The following RORA variants were observed in gnomAD, a reference collection of about 807,000 sequenced individuals.
RORA encodes nuclear receptor ROR-alpha.
Under a neutral mutation model 69.5 loss-of-function variants are expected in RORA, and 7 were observed. The ratio of observed to expected loss-of-function variants is 0.10; its 90% CI spans 0.06 to 0.19. RORA has a LOEUF of 0.19. Among genes scored for constraint, RORA ranks in the 10% least tolerant of loss-of-function variants. The probability of loss-of-function intolerance (pLI) is 1.00; values close to 1 mark genes in which losing one functional copy is unlikely to be tolerated. For missense variants in RORA, 457 were observed against 663.0 expected (o/e 0.69, Z 3.41); for synonymous variants, 261 against 240.8 (o/e 1.08, Z -0.78).
chr15:61,132,965 C>T (rs184745754), intron 1 of RORA, among the ~76,000 whole-genome samples: 12 of 152,174 alleles, frequency 7.9e-5, no homozygotes, highest in East Asian at 1.9e-4. Flanking sequence ...TGAAATCTGG[C>T]GGTTAATAAA....
chr15:60,755,770 A>G (rs2071794060), intron 1 of RORA, among the ~76,000 whole-genome samples: 2 of 152,186 alleles, frequency 1.3e-5, no homozygotes, highest in Admixed American at 6.6e-5. Context: ...CTTTTCACCT[A>G]CAAGGTTGTT....
At chr15:60,751,854 T>C (rs911492097) in intron 1 of RORA, among the ~76,000 whole-genome samples, 2 of 152,154 alleles carry the variant, frequency 1.3e-5, no homozygotes, top group African/African-American at 4.8e-5. Context: ...CAAAACTGCA[T>C]AGACCACTCT....
intron 2 of RORA, among the ~76,000 whole-genome samples, chr15:60,613,030 T>G (rs1345734921): frequency 6.6e-6 from 1 of 152,166 alleles, no homozygotes; most frequent in Admixed American, 6.5e-5. Context: ...GAATTTTTTT[T>G]TTTAATTCTA....
At chr15:60,618,856 A>G (rs2069327204) in intron 2 of RORA, among the ~76,000 whole-genome samples, 1 of 152,140 alleles carries the variant, frequency 6.6e-6, no homozygotes, top group Non-Finnish European at 1.5e-5. Flanking sequence ...CTGGGTTTGA[A>G]GCTCATGCAT....
intron 1 of RORA, among the ~76,000 whole-genome samples, chr15:60,685,133 G>T (rs898692900): frequency 3.3e-5 from 5 of 152,148 alleles, no homozygotes; most frequent in African/African-American, 1.2e-4. Flanking sequence ...CTGGACATAG[G>T]CAAAACCCAT....
chr15:60,995,521 C>T (rs1894506422), intron 1 of RORA, among the ~76,000 whole-genome samples: 1 of 152,180 alleles, frequency 6.6e-6, no homozygotes, highest in African/African-American at 2.4e-5. Context: ...GGTCTCCTTC[C>T]TTCAAACTGG....
chr15:60,647,613 A>G (rs1237111066), intron 2 of RORA, among the ~76,000 whole-genome samples: 4 of 152,186 alleles, frequency 2.6e-5, no homozygotes, highest in African/African-American at 9.7e-5. Flanking sequence ...AAATCTTATT[A>G]TTACTAGTAC....
chr15:60,931,185 G>T (rs1892363179), intron 1 of RORA, among the ~76,000 whole-genome samples: 1 of 152,166 alleles, frequency 6.6e-6, no homozygotes, highest in African/African-American at 2.4e-5. Context: ...TAGGCTCCAG[G>T]TCCATAAGTG....
At position 61,147,964 on chromosome 15, in the gene RORA, T is replaced by A. The variant is rs919002205; in HGVS notation, c.166+81089A>T. On this transcript the variant is annotated intron_variant, in intron 1 of 10. Transcript: ENST00000335670. This position sits in a 1 kb window ranked among gnomAD's most constrained non-coding sequence, Gnocchi z 4.1. ...TATCAGGAAGGTTATGGAGAGCCAC[T>A]AGGGGACTTGAAACAAAGGGTGACA... Among the ~76,000 whole-genome samples the A allele has an allele frequency of 2.0e-5, 3 of 151,396 alleles. No homozygotes were observed. The highest frequency in any genetic ancestry group is 7.4e-5 in the African/African-American group (3 of 40,636).
intron 3 of RORA, among the ~76,000 whole-genome samples, chr15:60,523,831 C>T (rs1467662691): frequency 6.6e-6 from 1 of 152,172 alleles, no homozygotes; most frequent in Admixed American, 6.5e-5. Context: ...GCCATCATGC[C>T]TGGCTAATTT....
chr15:60,901,468 G>A (rs999878949), intron 1 of RORA, among the ~76,000 whole-genome samples: 3 of 152,244 alleles, frequency 2.0e-5, no homozygotes, highest in East Asian at 1.9e-4. Context: ...CACCACGCCC[G>A]GCGATTCATG....
chr15:61,083,980 CA>C (rs2078584770), intron 1 of RORA, among the ~76,000 whole-genome samples: 1 of 152,112 alleles, frequency 6.6e-6, no homozygotes, highest in Non-Finnish European at 1.5e-5. Context: ...AGGGTTGAAC[CA>C]ACATTTAAGG....
At chr15:60,610,761 CA>C (rs765100250) in intron 2 of RORA, among the ~76,000 whole-genome samples, 45 of 151,924 alleles carry the variant, frequency 3.0e-4, no homozygotes, top group Non-Finnish European at 5.4e-4. Context: ...CCCCAAAAAC[CA>C]AAAGGATCAG....
intron 2 of RORA, among the ~76,000 whole-genome samples, chr15:60,630,882 G>C (rs2069720212): frequency 1.2e-5 from 1 of 83,918 alleles, no homozygotes; most frequent in South Asian, 4.0e-4. Context: ...GCCAGGATGA[G>C]ACTTTCTTTT....
intron 2 of RORA, chr15:60,556,803 C>T (rs1417454303): frequency 7.2e-7 from 1 of 1,384,810 alleles, no homozygotes; most frequent in South Asian, 1.2e-5. Flanking sequence ...TTCCTAAAAG[C>T]CTTCGTAAAT....
At chr15:61,040,348 G>A (rs886260144) in intron 1 of RORA, among the ~76,000 whole-genome samples, 1 of 151,276 alleles carries the variant, frequency 6.6e-6, no homozygotes, top group Admixed American at 6.6e-5. Flanking sequence ...ATTGCAAAAA[G>A]AACAGTTTGG....
chr15:60,502,513 C>A (rs2065362389), intron 8 of RORA, among the ~76,000 whole-genome samples: 1 of 152,116 alleles, frequency 6.6e-6, no homozygotes, highest in Non-Finnish European at 1.5e-5. Context: ...AAGGACACGT[C>A]ATATAAATCC....
rs201880058 is a variant in RORA at position 60,614,843 on chromosome 15, G to A, written c.196+63814C>T. 741 of 1,450,058 alleles carry A rather than the reference G, an allele frequency of 5.1e-4. 1 individual carries two copies. Among genetic ancestry groups the A allele is most frequent in the Non-Finnish European group, 6.7e-4 (699 of 1,038,974 alleles). The allele number at this position is 1,450,058 out of a possible 1,614,324, so 89.8% of individuals were successfully genotyped here. ...CGCACATGCAGACAGACACTGACATGCTTACATACATATAGCTGCCTGGAG... is the reference window on the plus strand; with the variant it reads ...CGCACATGCAGACAGACACTGACATACTTACATACATATAGCTGCCTGGAG... On this transcript the variant is annotated intron_variant, in intron 2 of 10. Coordinates refer to ENST00000335670, the MANE Select transcript of RORA (RefSeq NM_134261.3).
At chr15:60,732,362 C>G (rs993882962) in intron 1 of RORA, among the ~76,000 whole-genome samples, 2 of 152,110 alleles carry the variant, frequency 1.3e-5, no homozygotes, top group Non-Finnish European at 2.9e-5. Flanking sequence ...TCCTGAGAGG[C>G]AGCAAAGTCA....
Sources: allele counts gnomAD v4.1 joint callset (sites outside exome capture counted in the v4.1 genomes callset), GRCh38; gene constraint gnomAD v4.1.1; non-coding constraint Gnocchi (gnomAD v3.1); transcripts MANE v1.5; gene names NCBI Gene and HGNC (gene_info 2026-07-23, HGNC 2026-07-21).